The following SULF2 variants were observed in gnomAD, a reference collection of about 807,000 sequenced individuals.
SULF2 encodes extracellular sulfatase Sulf-2.
In SULF2, 52 loss-of-function variants were observed where a neutral mutation model predicts 107.7. The ratio of observed to expected loss-of-function variants is 0.48; its 90% CI spans 0.39 to 0.61. The LOEUF (loss-of-function observed/expected upper bound fraction) is 0.61. Among genes scored for constraint, SULF2 ranks in the 20% least tolerant of loss-of-function variants. The probability of loss-of-function intolerance (pLI) is 0.00; values close to 1 mark genes in which losing one functional copy is unlikely to be tolerated. For synonymous variants in SULF2, 460 were observed against 464.3 expected (o/e 0.99, Z 0.12); for missense variants, 993 against 1,177.3 (o/e 0.84, Z 2.29).
At chr20:47,732,746 G>A (rs11905745) in intron 3 of SULF2, among the ~76,000 whole-genome samples, 39,719 of 152,120 alleles carry the variant, frequency 0.26, 7,458 homozygotes, top group African/African-American at 0.54. Flanking sequence ...GGGAGGCTGA[G>A]GCAGGAGAAT....
Position 47,683,071 on chromosome 20 carries a change from T to C in SULF2, c.987A>G (p.Lys329=). 1 of 1,613,648 alleles carries C rather than the reference T, an allele frequency of 6.2e-7. No homozygotes were observed. The highest frequency in any genetic ancestry group is 8.5e-7 in the Non-Finnish European group (1 of 1,179,930). The part of the protein sequence containing the change: ...GYHIGQFGLV[K]GKSMPYEFDI... Reference sequence around the variant, plus strand: ...CAAACTCATATGGCATGGATTTCCCTTTCACCAGGCCAAACTGGCCGATGT... The same window carrying C: ...CAAACTCATATGGCATGGATTTCCCCTTCACCAGGCCAAACTGGCCGATGT... The change falls in exon 7 of 21, where the codon AAA becomes AAG. Residue 329 remains lysine (K), a synonymous_variant. Coordinates refer to ENST00000688720, the MANE Select transcript of SULF2 (RefSeq NM_001387048.1).
chr20:47,713,611 G>T (rs906150405), intron 3 of SULF2, among the ~76,000 whole-genome samples: 1 of 152,040 alleles, frequency 6.6e-6, no homozygotes, highest in Non-Finnish European at 1.5e-5. Flanking sequence ...AGGGCCAGGC[G>T]TGGTGGCTCA....
chr20:47,752,803 T>C lies in SULF2; in HGVS notation c.175+4386A>G, dbSNP rs370503699. On this transcript the variant is annotated intron_variant, in intron 2 of 20. Coordinates refer to ENST00000688720, the MANE Select transcript of SULF2 (RefSeq NM_001387048.1). ...ATGTTCTGAGAGGCAAAGAATTCTT[T>C]TGAAATGCAAACATCAGGCCAGGTG... 1.4e-4 allele frequency among the ~76,000 whole-genome samples: 22 copies of C among 151,752 alleles called. 1 individual carries two copies. The South Asian group carries it at 3.8e-3, about 26-fold the overall frequency.
At chr20:47,700,346 G>A (rs1333468000) in intron 4 of SULF2, among the ~76,000 whole-genome samples, 2 of 152,216 alleles carry the variant, frequency 1.3e-5, no homozygotes, top group Non-Finnish European at 2.9e-5. Context: ...AGTGGTAACA[G>A]GACTGTAAGC....
chr20:47,741,864 C>T (rs1487491337), intron 2 of SULF2, among the ~76,000 whole-genome samples: 7 of 152,224 alleles, frequency 4.6e-5, no homozygotes, highest in Admixed American at 4.6e-4. Flanking sequence ...CTCCGCAGCC[C>T]CCAGTGCTGC....
intron 4 of SULF2, among the ~76,000 whole-genome samples, chr20:47,691,736 A>G (rs1045764676): frequency 5.9e-5 from 9 of 152,184 alleles, no homozygotes; most frequent in African/African-American, 1.7e-4. Context: ...CACACACACA[A>G]AAAAGGGATG....
At chr20:47,695,981 G>A (rs1195528555) in intron 4 of SULF2, among the ~76,000 whole-genome samples, 1 of 152,148 alleles carries the variant, frequency 6.6e-6, no homozygotes, top group Non-Finnish European at 1.5e-5. Flanking sequence ...CTCTTCTTTT[G>A]ATTGTTTCTT....
intron 1 of SULF2, among the ~76,000 whole-genome samples, chr20:47,776,370 T>C (rs2090725214): frequency 6.6e-6 from 1 of 152,218 alleles, no homozygotes; most frequent in Admixed American, 6.5e-5. Context: ...AGAGACTTCG[T>C]TGTGTCTCTT....
chr20:47,774,035 G>A (rs1022688914), intron 1 of SULF2, among the ~76,000 whole-genome samples: 9 of 152,204 alleles, frequency 5.9e-5, no homozygotes, highest in African/African-American at 2.2e-4. Context: ...TAGCAGATGA[G>A]CTGTTCATTA....
intron 1 of SULF2, among the ~76,000 whole-genome samples, chr20:47,776,548 T>C (rs2146987547): frequency 6.6e-6 from 1 of 152,332 alleles, no homozygotes; most frequent in African/African-American, 2.4e-5. Flanking sequence ...TCTCCTGGGC[T>C]GTGACCGCTG....
chr20:47,695,980 T>C (rs1026590357), intron 4 of SULF2, among the ~76,000 whole-genome samples: 2 of 152,234 alleles, frequency 1.3e-5, no homozygotes. Context: ...GCTCTTCTTT[T>C]GATTGTTTCT....
intron 16 of SULF2, 23 bp from the exon 17 acceptor site, chr20:47,663,235 T>C: frequency 4.3e-6 from 7 of 1,613,344 alleles, no homozygotes; most frequent in Non-Finnish European, 4.2e-6. Flanking sequence ...AGAGAGCATG[T>C]CCTGAGTGCC....
At chr20:47,752,233 C>G (rs1297864409) in intron 2 of SULF2, among the ~76,000 whole-genome samples, 1 of 152,208 alleles carries the variant, frequency 6.6e-6, no homozygotes, top group Non-Finnish European at 1.5e-5. Context: ...AACTGTCACA[C>G]ATATGACAGG....
intron 1 of SULF2, among the ~76,000 whole-genome samples, chr20:47,762,069 C>A (rs2090430046): frequency 6.6e-6 from 1 of 152,254 alleles, no homozygotes; most frequent in East Asian, 1.9e-4. Flanking sequence ...TCCCCAGCCA[C>A]ATGGAACAAT....
At chr20:47,700,910 T>C (rs2088545480) in intron 4 of SULF2, among the ~76,000 whole-genome samples, 2 of 152,182 alleles carry the variant, frequency 1.3e-5, no homozygotes, top group Admixed American at 1.3e-4. Context: ...TCTCCCAAAG[T>C]ACTGGGATTA....
chr20:47,683,178 C>A lies in SULF2; in HGVS notation c.889-9G>T. 3 of 1,586,806 alleles carry A rather than the reference C, an allele frequency of 1.9e-6. No homozygotes were observed. Among genetic ancestry groups the A allele is most frequent in the Non-Finnish European group, 2.6e-6 (3 of 1,160,236 alleles). ...ACCAGCATGTTGTAAATCTGCAACACGGGCGAGGAGGCAAGGGACAGTGGG... is the reference window on the plus strand; with the variant it reads ...ACCAGCATGTTGTAAATCTGCAACAAGGGCGAGGAGGCAAGGGACAGTGGG... On this transcript the variant is annotated splice_polypyrimidine_tract_variant and intron_variant, in intron 6 of 20. Coordinates refer to ENST00000688720, the MANE Select transcript of SULF2 (RefSeq NM_001387048.1).
At chr20:47,665,793 G>C (rs1047883398) in intron 13 of SULF2, 64 bp downstream of exon 13, 9 of 1,414,286 alleles carry the variant, frequency 6.4e-6, no homozygotes, top group Non-Finnish European at 9.0e-6. Flanking sequence ...CTCCCACTGT[G>C]AACCGGGGGT....
At chr20:47,778,496 C>T (rs149944315) in intron 1 of SULF2, among the ~76,000 whole-genome samples, 52 of 152,332 alleles carry the variant, frequency 3.4e-4, no homozygotes, top group African/African-American at 1.2e-3. Flanking sequence ...ATTAAGAGAA[C>T]GTGGGGAATT....
chr20:47,697,880 T>A (rs1420799714), intron 4 of SULF2, among the ~76,000 whole-genome samples: 1 of 152,206 alleles, frequency 6.6e-6, no homozygotes, highest in East Asian at 1.9e-4. Context: ...AAGGAGGGAA[T>A]GTATTTTTCA....
Sources: gnomAD v4.1 joint callset for allele counts (sites outside exome capture counted in the v4.1 genomes callset) on GRCh38, gnomAD v4.1.1 for gene constraint, MANE v1.5 for transcripts, NCBI Gene and HGNC (gene_info 2026-07-23, HGNC 2026-07-21) for gene names.